The following ZNF618 variants were observed in gnomAD, a reference collection of about 807,000 sequenced individuals.
The protein encoded by ZNF618 is zinc finger protein 618.
In ZNF618, 34 loss-of-function variants were observed where a neutral mutation model predicts 103.0. That is an observed-to-expected ratio of 0.33 (90% CI 0.25 to 0.44). ZNF618 has a LOEUF of 0.44. Among genes scored for constraint, ZNF618 ranks in the 20% least tolerant of loss-of-function variants. The probability of loss-of-function intolerance (pLI) is 1.00; values close to 1 mark genes in which losing one functional copy is unlikely to be tolerated. For synonymous variants in ZNF618, 551 were observed against 542.2 expected (o/e 1.02, Z -0.23); for missense variants, 1,059 against 1,295.4 (o/e 0.82, Z 2.80).
chr9:113,884,178 T>G (rs1480187095), intron 1 of ZNF618, among the ~76,000 whole-genome samples: 2 of 152,138 alleles, frequency 1.3e-5, no homozygotes, highest in African/African-American at 4.8e-5. Context: ...GAGGGGGGTC[T>G]CTTCAGTACA....
chr9:113,986,104 T>C (rs182551725), intron 2 of ZNF618, among the ~76,000 whole-genome samples: 2 of 152,330 alleles, frequency 1.3e-5, no homozygotes, highest in Admixed American at 1.3e-4. Flanking sequence ...GTGTCATTAT[T>C]AACAATGGTC....
intron 1 of ZNF618, among the ~76,000 whole-genome samples, chr9:113,937,141 C>T (rs561386293): frequency 4.3e-4 from 66 of 152,246 alleles, no homozygotes; most frequent in African/African-American, 1.2e-3. Context: ...AAACTTATTT[C>T]GACATAATTT....
In ZNF618 at chr9:114,002,671, T is replaced by A; in HGVS notation, c.550+9T>A. The A allele has an allele frequency of 6.2e-7, 1 of 1,610,496 alleles. No individual in the cohort carries two copies. Among genetic ancestry groups the A allele is most frequent in the Non-Finnish European group, 8.5e-7 (1 of 1,179,284 alleles). On this transcript the variant is annotated intron_variant, in intron 6 of 14. Transcript: ENST00000374126. ...GGGAGCCTCCCAAAGCAGTGAGTAC[T>A]TTTTCCTCCTCGTGGGCTGCTGAGG...
Position 113,911,548 on chromosome 9 carries a change from C to T in ZNF618, c.33+35135C>T, listed in dbSNP as rs567076896. 2.7e-5 allele frequency among the ~76,000 whole-genome samples: 4 copies of T among 150,590 alleles called. No homozygotes were observed. In the South Asian group the frequency reaches 6.4e-4, roughly 24 times the overall value. ...TTCACCGTGTTATCTAGGATGGTCT[C>T]GAGCTCCTGACCTCAGGTGATCCGC... On this transcript the variant is annotated intron_variant, in intron 1 of 14. Coordinates refer to ENST00000374126, the MANE Select transcript of ZNF618 (RefSeq NM_001318042.2).
rs57447464 is a variant in ZNF618 at position 114,009,259 on chromosome 9, G to A, written c.754+705G>A. ...GCTGTGGGAGGCCTGAGGGAATGCT[G>A]GAAGCTTTCAGATGGGGACGAGGGT... On this transcript the variant is annotated intron_variant, in intron 9 of 14. Coordinates refer to ENST00000374126, the MANE Select transcript of ZNF618 (RefSeq NM_001318042.2). Among the ~76,000 whole-genome samples, 1,000 of 152,256 alleles carry A rather than the reference G, an allele frequency of 6.6e-3. 9 individuals are homozygous for A. Among genetic ancestry groups the A allele is most frequent in the African/African-American group, 0.02 (849 of 41,548 alleles).
At chr9:113,879,980 C>G (rs1308788449) in intron 1 of ZNF618, among the ~76,000 whole-genome samples, 1 of 152,090 alleles carries the variant, frequency 6.6e-6, no homozygotes, top group African/African-American at 2.4e-5. Context: ...TGACCTCTCC[C>G]TCGTCCTAGA....
At chr9:113,924,951 A>C (rs1004671829) in intron 1 of ZNF618, among the ~76,000 whole-genome samples, 4 of 151,836 alleles carry the variant, frequency 2.6e-5, no homozygotes, top group African/African-American at 9.7e-5. Flanking sequence ...AAATGTGACT[A>C]TCTTGGTGAA....
At chr9:113,952,704 A>AG in intron 1 of ZNF618, among the ~76,000 whole-genome samples, 1 of 152,342 alleles carries the variant, frequency 6.6e-6, no homozygotes, top group Admixed American at 6.5e-5. Flanking sequence ...TGGTAGTTTT[A>AG]GGAACTCTGA....
In ZNF618 at chr9:114,049,646, A is replaced by G; in HGVS notation, c.2344A>G (p.Ser782Gly). The change falls in exon 15 of 15, where the codon AGC becomes GGC. Residue 782 changes from serine (S) to glycine (G), a missense_variant. This residue lies in a region of ZNF618 where 272 missense variants were observed against 380.1 expected (regional missense o/e 0.72). Transcript: ENST00000374126. Reference sequence around the variant, plus strand: ...CAAGGCCAACGACGCAGGCACTGTCAGCAAGCTCTGCCACCTCTTCCTGGA... The same window carrying G: ...CAAGGCCAACGACGCAGGCACTGTCGGCAAGCTCTGCCACCTCTTCCTGGA... ...TAKANDAGTV[S>G]KLCHLFLEAL... The G allele has an allele frequency of 6.2e-7, 1 of 1,613,844 alleles. No individual in the cohort carries two copies. Among genetic ancestry groups the G allele is most frequent in the Non-Finnish European group, 8.5e-7 (1 of 1,179,898 alleles).
At chr9:113,885,822 AGGAG>A (rs1252653694) in intron 1 of ZNF618, among the ~76,000 whole-genome samples, 5 of 152,206 alleles carry the variant, frequency 3.3e-5, no homozygotes, top group Admixed American at 2.6e-4. Flanking sequence ...TAAAAAGGAA[AGGAG>A]GAAGGCTGAG....
chr9:113,889,318 T>TCC (rs1491447907), intron 1 of ZNF618, among the ~76,000 whole-genome samples: 3 of 31,074 alleles, frequency 9.7e-5, no homozygotes, highest in East Asian at 6.9e-4. Flanking sequence ...CCCGCTACCA[T>TCC]CTCTCTCTCT....
chr9:114,035,755 C>T (rs900378531), intron 12 of ZNF618, among the ~76,000 whole-genome samples: 1 of 152,086 alleles, frequency 6.6e-6, no homozygotes, highest in East Asian at 1.9e-4. Flanking sequence ...CCCTCCCTCT[C>T]CTCCCTTTCC....
chr9:114,051,439 T>C lies in ZNF618; in HGVS notation c.*1272T>C, dbSNP rs761737761. 1.8e-4 allele frequency: 27 copies of C among 152,728 alleles called. No individual in the cohort carries two copies. The highest frequency in any genetic ancestry group is 3.4e-4 in the Non-Finnish European group (23 of 68,108). The allele number at this position is 152,728 out of a possible 1,614,324, so 9.5% of individuals were successfully genotyped here. ...AATGTAAGCGCCAGAGCTGCCCTCC[T>C]GGTCCGCTGTGCGTGGTACCCAGTG... On this transcript the variant is annotated 3_prime_UTR_variant, in exon 15 of 15. Transcript: ENST00000374126.
chr9:114,023,041 A>G lies in ZNF618; in HGVS notation c.845-5692A>G, dbSNP rs577260970. 1.2e-3 allele frequency among the ~76,000 whole-genome samples: 184 copies of G among 152,164 alleles called. 2 individuals carry two copies. The highest frequency in any genetic ancestry group is 5.2e-3 in the South Asian group (25 of 4,826). On this transcript the variant is annotated intron_variant, in intron 10 of 14. Transcript: ENST00000374126. ...CTTTATCTTTGTATTTGAAGTATGT[A>G]TATATAGTTGGTTCTTATGCCTTTC...
chr9:114,019,966 T>C (rs1277688954), intron 10 of ZNF618, among the ~76,000 whole-genome samples: 1 of 152,182 alleles, frequency 6.6e-6, no homozygotes, highest in Non-Finnish European at 1.5e-5. Flanking sequence ...TTAGAAGCCT[T>C]GTAATTTTAG....
intron 1 of ZNF618, among the ~76,000 whole-genome samples, chr9:113,956,728 G>A (rs756081943): frequency 7.2e-5 from 11 of 152,218 alleles, no homozygotes; most frequent in Non-Finnish European, 1.0e-4. Context: ...CCTAGAGGTG[G>A]TTAGAGTAGA....
chr9:113,896,276 A>C (rs2131134926), intron 1 of ZNF618, among the ~76,000 whole-genome samples: 2 of 152,174 alleles, frequency 1.3e-5, no homozygotes, highest in South Asian at 4.1e-4. Context: ...TTTTCTGTTT[A>C]GTAATAAAAG....
intron 1 of ZNF618, among the ~76,000 whole-genome samples, chr9:113,952,387 A>T (rs950639407): frequency 2.6e-5 from 4 of 151,952 alleles, no homozygotes; most frequent in Non-Finnish European, 5.9e-5. Context: ...AAAATGATTG[A>T]TTTTTTTCCC....
intron 11 of ZNF618, 83 bp from the exon 12 acceptor site, chr9:114,032,562 C>CCTT: frequency 7.6e-7 from 1 of 1,320,864 alleles, no homozygotes; most frequent in South Asian, 1.2e-5. Context: ...GAGTCCTTGG[C>CCTT]CTTCACCCAG....
Sources: gnomAD v4.1 joint callset for allele counts (sites outside exome capture counted in the v4.1 genomes callset) on GRCh38, gnomAD v4.1.1 for gene constraint, gnomAD v4.1.1 regional missense constraint, MANE v1.5 for transcripts, NCBI Gene and HGNC (gene_info 2026-07-23, HGNC 2026-07-21) for gene names.